The following RIMS1 variants were observed in gnomAD, a reference collection of about 807,000 sequenced individuals.
RIMS1 encodes the protein regulating synaptic membrane exocytosis protein 1.
Under a neutral mutation model 214.1 loss-of-function variants are expected in RIMS1, and 83 were observed. The ratio of observed to expected loss-of-function variants is 0.39; its 90% CI spans 0.32 to 0.47. The LOEUF (loss-of-function observed/expected upper bound fraction) is 0.47. Ranked by LOEUF, RIMS1 falls within the 20% of genes least tolerant of loss-of-function variation. RIMS1 has a pLI of 0.99. For missense variants in RIMS1, 2,050 were observed against 2,161.8 expected (o/e 0.95, Z 1.03); for synonymous variants, 793 against 786.8 (o/e 1.01, Z -0.13).
intron 6 of RIMS1, among the ~76,000 whole-genome samples, chr6:72,189,045 A>G (rs2049608238): frequency 1.3e-5 from 2 of 152,330 alleles, no homozygotes; most frequent in Non-Finnish European, 2.9e-5. Context: ...CCAGCAGAAC[A>G]TAATGTTATG....
chr6:72,292,122 A>C, intron 26 of RIMS1, 76 bp downstream of exon 26: 1 of 883,352 alleles, frequency 1.1e-6, no homozygotes, highest in Admixed American at 2.8e-5. Context: ...CTTTTATTAA[A>C]TGAATAGTAT....
At chr6:71,946,515 A>G (rs970484168) in intron 1 of RIMS1, among the ~76,000 whole-genome samples, 1 of 152,222 alleles carries the variant, frequency 6.6e-6, no homozygotes, top group Admixed American at 6.5e-5. Flanking sequence ...AAAGATGCTA[A>G]GAACACACAA....
intron 2 of RIMS1, among the ~76,000 whole-genome samples, chr6:72,010,023 A>G (rs1371778615): frequency 6.6e-6 from 1 of 152,142 alleles, no homozygotes; most frequent in Non-Finnish European, 1.5e-5. Context: ...ACACAACAAC[A>G]ACAAAAAAGA....
intron 2 of RIMS1, among the ~76,000 whole-genome samples, chr6:71,997,238 T>C (rs2151683264): frequency 6.6e-6 from 1 of 152,264 alleles, no homozygotes; most frequent in East Asian, 1.9e-4. Flanking sequence ...TGATTAAACC[T>C]TGACATAAGT....
rs1012962429 is a variant in RIMS1, at chr6:72,390,835, AT to A, written c.4505+102del. Reference sequence around the variant, plus strand: ...CTGAGTGTTACTGTGCAGCTTCTCTATTTAATCAGAAGTTCAACCATCCATT... The same window carrying A: ...CTGAGTGTTACTGTGCAGCTTCTCTATTAATCAGAAGTTCAACCATCCATT... On this transcript the variant is annotated intron_variant, in intron 30 of 33. Coordinates refer to ENST00000521978, the MANE Select transcript of RIMS1 (RefSeq NM_014989.7). The A allele has an allele frequency of 1.8e-5, 25 of 1,412,558 alleles. 1 individual carries two copies. The Admixed American group carries it at 5.0e-4, about 28-fold the overall frequency. The allele number at this position is 1,412,558 out of a possible 1,614,324, so 87.5% of individuals were successfully genotyped here. A position where few individuals can be genotyped will look rare whatever the true frequency, so the allele number is the denominator to read the frequency against.
chr6:72,186,044 G>T (rs1270036997), intron 6 of RIMS1, among the ~76,000 whole-genome samples: 1 of 152,202 alleles, frequency 6.6e-6, no homozygotes, highest in Non-Finnish European at 1.5e-5. Flanking sequence ...TAGAGTATAT[G>T]ATACATATAA....
At chr6:72,400,470 A>C in intron 33 of RIMS1, 26 bp from the exon 34 acceptor site, 3 of 1,586,548 alleles carry the variant, frequency 1.9e-6, no homozygotes, top group South Asian at 1.1e-5. Context: ...AAGTCCAGGT[A>C]ATGTTGCATT....
chr6:72,285,202 A>T (rs2091874713), intron 24 of RIMS1, among the ~76,000 whole-genome samples: 2 of 152,210 alleles, frequency 1.3e-5, no homozygotes, highest in Non-Finnish European at 2.9e-5. Flanking sequence ...TGCTTTAAAC[A>T]TGGGAGGCAG....
chr6:72,038,118 A>AAAAAAAAAAAAAAAAAAAATATATATAT (rs1820399900), intron 2 of RIMS1, among the ~76,000 whole-genome samples: 1 of 13,418 alleles, frequency 7.5e-5, no homozygotes, highest in African/African-American at 3.3e-4. Flanking sequence ...AAAAAAAAAA[A>AAAAAAAAAAAAAAAAAAAATATATATAT]ATATATATAT....
At chr6:72,273,901 C>T (rs1449106611) in intron 22 of RIMS1, among the ~76,000 whole-genome samples, 3 of 152,170 alleles carry the variant, frequency 2.0e-5, no homozygotes, top group Admixed American at 6.5e-5. Context: ...CACATCCCCA[C>T]CTTTGCAACT....
At chr6:72,260,850 T>A (rs1008322545) in intron 19 of RIMS1, 83 bp downstream of exon 19, 3 of 1,564,082 alleles carry the variant, frequency 1.9e-6, no homozygotes, top group Admixed American at 3.8e-5. Context: ...CCCTTAGTGG[T>A]ATTATTACAA....
At position 72,049,160 on chromosome 6, in the gene RIMS1, G is replaced by A. The variant is rs190883548; in HGVS notation, c.246-47789G>A. Reference sequence around the variant, plus strand: ...CAGGGGATCCAGAATCAAAATAAGAGGTTGAAGAAACAAAAGTGTCTGAAT... The same window carrying A: ...CAGGGGATCCAGAATCAAAATAAGAAGTTGAAGAAACAAAAGTGTCTGAAT... On this transcript the variant is annotated intron_variant, in intron 2 of 33. Coordinates refer to ENST00000521978, the MANE Select transcript of RIMS1 (RefSeq NM_014989.7). Among the ~76,000 whole-genome samples the A allele has an allele frequency of 1.4e-3, 217 of 152,284 alleles. 1 individual carries two copies. The highest frequency in any genetic ancestry group is 4.8e-3 in the African/African-American group (198 of 41,564).
intron 6 of RIMS1, among the ~76,000 whole-genome samples, chr6:72,208,149 C>T (rs937525458): frequency 2.0e-5 from 3 of 152,164 alleles, no homozygotes; most frequent in African/African-American, 7.2e-5. Flanking sequence ...TAAAACTTGA[C>T]ACAGCTTAGG....
intron 6 of RIMS1, among the ~76,000 whole-genome samples, chr6:72,209,852 G>C (rs1249517738): frequency 7.2e-6 from 1 of 139,506 alleles, no homozygotes; most frequent in Non-Finnish European, 1.5e-5. Context: ...GGTGAGCTGA[G>C]ATCACGCCAC....
intron 26 of RIMS1, among the ~76,000 whole-genome samples, chr6:72,293,546 C>T (rs899248218): frequency 2.8e-4 from 42 of 151,808 alleles, no homozygotes; most frequent in African/African-American, 9.9e-4. Flanking sequence ...TCGGTCTTAC[C>T]GATCATATTT....
At chr6:71,968,832 C>T (rs971953420) in intron 1 of RIMS1, 151 bp from the exon 2 acceptor site, 1 of 665,430 alleles carries the variant, frequency 1.5e-6, no homozygotes, top group Non-Finnish European at 2.6e-6. Flanking sequence ...GTTTCCAACT[C>T]CAAGGGCTTT....
intron 29 of RIMS1, among the ~76,000 whole-genome samples, chr6:72,365,295 C>T (rs752299391): frequency 5.9e-5 from 9 of 152,184 alleles, no homozygotes; most frequent in Non-Finnish European, 1.0e-4. Context: ...TTATATTCCA[C>T]CTTTATTCAG....
At chr6:71,987,431 G>A (rs1404632474) in intron 2 of RIMS1, among the ~76,000 whole-genome samples, 1 of 152,136 alleles carries the variant, frequency 6.6e-6, no homozygotes, top group Non-Finnish European at 1.5e-5. Flanking sequence ...ACTCTCTTGT[G>A]TCTCCTCTTG....
chr6:72,045,775 G>A (rs1293940575), intron 2 of RIMS1, among the ~76,000 whole-genome samples: 1 of 150,730 alleles, frequency 6.6e-6, no homozygotes, highest in Admixed American at 6.6e-5. Flanking sequence ...TTTTCCAGAT[G>A]TTTATTGGCC....
Sources: gnomAD v4.1 joint callset for allele counts (sites outside exome capture counted in the v4.1 genomes callset) on GRCh38, gnomAD v4.1.1 for gene constraint, MANE v1.5 for transcripts, NCBI Gene and HGNC (gene_info 2026-07-23, HGNC 2026-07-21) for gene names.